The following NRDE2 variants were observed in gnomAD, a reference collection of about 807,000 sequenced individuals.
NRDE2 encodes the protein NRDE-2, necessary for RNA interference, domain containing.
In NRDE2, 76 loss-of-function variants were observed where a neutral mutation model predicts 124.2. That is an observed-to-expected ratio of 0.61 (90% confidence interval 0.51 to 0.74). The LOEUF (loss-of-function observed/expected upper bound fraction) is 0.74. NRDE2 is among the 30% of genes least tolerant of loss of function. The pLI is 0.00. For synonymous variants in NRDE2, 489 were observed against 528.1 expected (o/e 0.93, Z 1.01); for missense variants, 1,314 against 1,417.3 (o/e 0.93, Z 1.17).
At chr14:90,331,728 G>A in intron 1 of NRDE2, 113 bp downstream of exon 1, 1 of 1,211,704 alleles carries the variant, frequency 8.3e-7, no homozygotes, top group Admixed American at 1.8e-5. Context: ...GCGCCGCGGA[G>A]AACTCTGGGA....
At position 90,300,699 on chromosome 14, in the gene NRDE2, C is replaced by T. The variant is rs921716214; in HGVS notation, c.1545+540G>A. On this transcript the variant is annotated intron_variant, in intron 7 of 13. Coordinates refer to ENST00000354366, the MANE Select transcript of NRDE2 (RefSeq NM_017970.4). Reference sequence around the variant, plus strand: ...TGTGTAATTTCATTTGCAACTCTAGCGAAGATTGTGGGTACTTAGAAGGTT... The same window carrying T: ...TGTGTAATTTCATTTGCAACTCTAGTGAAGATTGTGGGTACTTAGAAGGTT... Among the ~76,000 whole-genome samples the T allele has an allele frequency of 3.4e-5, 5 of 148,896 alleles. No individual in the cohort carries two copies. In the East Asian group the frequency reaches 6.1e-4, roughly 18 times the overall value.
Position 90,304,394 on chromosome 14 carries a change from A to G in NRDE2, c.558-12T>C. 1 of 1,564,468 alleles carries G rather than the reference A, an allele frequency of 6.4e-7. No homozygotes were observed. The highest frequency in any genetic ancestry group is 8.6e-7 in the Non-Finnish European group (1 of 1,158,978). ...CTTTCCTCTTGTATCTGATATTAGA[A>G]AAAGAAAAAAAGTTACTGAGGGAAT... is the stretch of plus-strand genomic sequence containing the variant. On this transcript the variant is annotated splice_polypyrimidine_tract_variant and intron_variant, in intron 4 of 13. Coordinates refer to ENST00000354366, the MANE Select transcript of NRDE2 (RefSeq NM_017970.4).
chr14:90,309,514 G>GTC lies in NRDE2; in HGVS notation c.557+2878_557+2879dup, dbSNP rs1374630181. Among the ~76,000 whole-genome samples, 15 of 149,108 alleles carry GTC rather than the reference G, an allele frequency of 1.0e-4. No homozygotes were observed. In the East Asian group the frequency reaches 2.4e-3, roughly 23 times the overall value. ...AAGAACCAAGAACCCTACACTGTCT[G>GTC]TCTCCATAACCCAATCAAATCACGC... On this transcript the variant is annotated intron_variant, in intron 4 of 13. Coordinates refer to ENST00000354366, the MANE Select transcript of NRDE2 (RefSeq NM_017970.4).
intron 1 of NRDE2, among the ~76,000 whole-genome samples, chr14:90,322,055 C>A (rs2139712870): frequency 6.6e-6 from 1 of 152,272 alleles, no homozygotes; most frequent in South Asian, 2.1e-4. Flanking sequence ...CCAGTTCTCT[C>A]CACCCCACGC....
intron 13 of NRDE2, 50 bp from the exon 14 acceptor site, chr14:90,278,511 G>GGCTT: frequency 1.2e-6 from 2 of 1,604,668 alleles, no homozygotes; most frequent in Non-Finnish European, 8.5e-7. Flanking sequence ...CTTCCTGTCA[G>GGCTT]CCTGGAGGAG....
intron 1 of NRDE2, among the ~76,000 whole-genome samples, chr14:90,328,238 C>T (rs908053742): frequency 2.0e-4 from 28 of 142,692 alleles, no homozygotes; most frequent in Admixed American, 1.9e-3. Flanking sequence ...ACCCAAGAGG[C>T]GGAGGTTGCA....
In NRDE2 at chr14:90,273,668, C is replaced by T. The variant is rs11159960; in HGVS notation, c.*4668G>A. 48,946 of 152,938 alleles carry T rather than the reference C, an allele frequency of 0.32. 9,099 individuals carry two copies. Among genetic ancestry groups the T allele is most frequent in the East Asian group, 0.52 (2,667 of 5,176 alleles). 9.5% of individuals were successfully genotyped at this position (152,938 alleles called of 1,614,324 possible). On this transcript the variant is annotated 3_prime_UTR_variant, in exon 14 of 14. Coordinates refer to ENST00000354366, the MANE Select transcript of NRDE2 (RefSeq NM_017970.4). ...AGTCTTGCTGTTGGCAGGACCGTTC[C>T]CTCTGGCGTCTCTAAGGGAGAATCC...
intron 7 of NRDE2, 147 bp downstream of exon 7, chr14:90,301,092 G>C: frequency 1.3e-6 from 1 of 748,306 alleles, no homozygotes; most frequent in Non-Finnish European, 2.2e-6. Flanking sequence ...CTCCTCAGCA[G>C]ACTGATATAA....
rs775923849 is a variant in NRDE2 at position 90,303,097 on chromosome 14, T to C, written c.1034A>G (p.Tyr345Cys). The change falls in exon 6 of 14, where the codon TAT becomes TGT. Residue 345 changes from tyrosine to cysteine, a missense_variant. Coordinates refer to ENST00000354366, the MANE Select transcript of NRDE2 (RefSeq NM_017970.4). ...TTCCTGCTCTCCTTCCTCGATGGCATACAGGCCAGGACTTTTCATGACCTC... is the reference window on the plus strand; with the variant it reads ...TTCCTGCTCTCCTTCCTCGATGGCACACAGGCCAGGACTTTTCATGACCTC... ...QDEVMKSPGL[Y>C]AIEEGEQEKR... 10 of 1,613,872 alleles carry C rather than the reference T, an allele frequency of 6.2e-6. No homozygotes were observed. The Admixed American group carries it at 8.3e-5, about 13-fold the overall frequency.
chr14:90,329,981 C>T (rs1023490949), intron 1 of NRDE2, among the ~76,000 whole-genome samples: 4 of 151,492 alleles, frequency 2.6e-5, no homozygotes, highest in Middle Eastern at 6.8e-3. Flanking sequence ...CTATGGTGGG[C>T]GAATCACTTA....
chr14:90,331,722 C>T, intron 1 of NRDE2, 119 bp downstream of exon 1: 6 of 1,153,756 alleles, frequency 5.2e-6, no homozygotes. Context: ...TTTGCAGCGC[C>T]GCGGAGAACT....
intron 1 of NRDE2, 119 bp from the exon 2 acceptor site, chr14:90,318,232 T>C: frequency 1.4e-6 from 1 of 733,038 alleles, no homozygotes; most frequent in Non-Finnish European, 2.3e-6. Context: ...CCAGACGTTT[T>C]GAACAGTCAG....
intron 1 of NRDE2, among the ~76,000 whole-genome samples, chr14:90,322,263 GC>G (rs1393552247): frequency 6.6e-6 from 1 of 152,028 alleles, no homozygotes; most frequent in South Asian, 2.1e-4. Context: ...TACAGAAGTG[GC>G]AAAAGAAAAA....
At chr14:90,286,295 A>G (rs1383408272) in intron 12 of NRDE2, 59 bp downstream of exon 12, 1 of 1,551,264 alleles carries the variant, frequency 6.4e-7, no homozygotes, top group Non-Finnish European at 8.7e-7. Flanking sequence ...ATACCTTCTC[A>G]TTTATGAAGG....
intron 7 of NRDE2, among the ~76,000 whole-genome samples, chr14:90,299,478 A>C (rs1884309114): frequency 6.6e-6 from 1 of 152,248 alleles, no homozygotes; most frequent in Non-Finnish European, 1.5e-5. Context: ...AGCAATGAAC[A>C]GAAACGTGAT....
rs1397111037 is a variant in NRDE2 at position 90,274,892 on chromosome 14, A to AT, written c.*3443dup. The AT allele has an allele frequency of 6.6e-6, 1 of 151,916 alleles. No homozygotes were observed. The highest frequency in any genetic ancestry group is 2.4e-5 in the African/African-American group (1 of 41,350). The allele number at this position is 151,916 out of a possible 1,614,324, so 9.4% of individuals were successfully genotyped here. A position where few individuals can be genotyped will look rare whatever the true frequency, so the allele number is the denominator to read the frequency against. ...TTTGCTGAGGAAGGGGTATTTACAG[A>AT]TTTTGAGAGTCTGCCACAAAACACT... On this transcript the variant is annotated 3_prime_UTR_variant, in exon 14 of 14. Transcript: ENST00000354366.
At chr14:90,297,309 T>G (rs547499786) in intron 8 of NRDE2, among the ~76,000 whole-genome samples, 2 of 152,310 alleles carry the variant, frequency 1.3e-5, no homozygotes, top group East Asian at 3.9e-4. Flanking sequence ...CTCTGGTTAA[T>G]AATTTTAAAA....
chr14:90,306,787 G>T (rs1429494595), intron 4 of NRDE2, among the ~76,000 whole-genome samples: 1 of 150,162 alleles, frequency 6.7e-6, no homozygotes, highest in Non-Finnish European at 1.5e-5. Context: ...TCCAGCCTGG[G>T]CAACAGAGTG....
intron 1 of NRDE2, among the ~76,000 whole-genome samples, chr14:90,327,525 G>A (rs1885486206): frequency 6.6e-6 from 1 of 151,454 alleles, no homozygotes; most frequent in Admixed American, 6.6e-5. Flanking sequence ...CTCCAACCTG[G>A]GCGACAGAGT....
Sources: allele counts gnomAD v4.1 joint callset (sites outside exome capture counted in the v4.1 genomes callset), GRCh38; gene constraint gnomAD v4.1.1; transcripts MANE v1.5; gene names NCBI Gene and HGNC (gene_info 2026-07-23, HGNC 2026-07-21).